NGEF: variants seen among roughly 807,000 people sequenced by gnomAD.
NGEF encodes the protein ephexin-1.
In NGEF, 31 loss-of-function variants were observed where a neutral mutation model predicts 80.9. The observed-to-expected ratio is 0.38, with a 90% CI of 0.29 to 0.52. The LOEUF is 0.52. NGEF is among the 20% of genes least tolerant of loss of function. NGEF has a pLI of 0.84. For synonymous variants in NGEF, 371 were observed against 370.2 expected (o/e 1.00, Z -0.03); for missense variants, 709 against 926.2 (o/e 0.77, Z 3.04).
chr2:232,998,246 A>G lies in NGEF; in HGVS notation c.-75+14822T>C, dbSNP rs538847001. 3.9e-5 allele frequency among the ~76,000 whole-genome samples: 6 copies of G among 152,298 alleles called. No individual in the cohort carries two copies. The South Asian group carries it at 1.2e-3, about 32-fold the overall frequency. On this transcript the variant is annotated intron_variant, in intron 1 of 14. Transcript: ENST00000264051. ...GGGATGGGGTGGGAGTAGGGTGGCT[A>G]CTATTGAATCTGAGGCTCAGAGACA... is the stretch of plus-strand genomic sequence containing the variant.
chr2:232,981,726 G>A (rs925289727), intron 1 of NGEF, among the ~76,000 whole-genome samples: 3 of 152,072 alleles, frequency 2.0e-5, no homozygotes, highest in African/African-American at 4.8e-5. Flanking sequence ...TCCAATCCCC[G>A]AATGCTTGGG....
intron 3 of NGEF, among the ~76,000 whole-genome samples, chr2:232,958,531 A>G (rs1693880589): frequency 1.3e-5 from 2 of 152,108 alleles, no homozygotes; most frequent in Non-Finnish European, 1.5e-5. Flanking sequence ...CACTGTGCCA[A>G]TTGCTCAGGA....
intron 1 of NGEF, among the ~76,000 whole-genome samples, chr2:233,005,682 G>T (rs765151753): frequency 9.2e-5 from 14 of 152,180 alleles, no homozygotes; most frequent in Non-Finnish European, 1.6e-4. Context: ...CTGGAGGCTG[G>T]AAAAGGCAGG....
chr2:232,999,990 G>A (rs1694935857), intron 1 of NGEF, among the ~76,000 whole-genome samples: 1 of 152,220 alleles, frequency 6.6e-6, no homozygotes, highest in Non-Finnish European at 1.5e-5. Context: ...CTGTAGACTA[G>A]GTGGTGTAAA....
intron 5 of NGEF, among the ~76,000 whole-genome samples, chr2:232,918,774 G>A (rs572377673): frequency 2.0e-5 from 3 of 151,654 alleles, no homozygotes; most frequent in Non-Finnish European, 4.4e-5. Context: ...GATTACAGGC[G>A]CCTGCCACAG....
Position 232,909,169 on chromosome 2 carries a change from T to C in NGEF, c.828+11115A>G, listed in dbSNP as rs182132475. ...CTTTATTGCCACCAACAGTTTTTTA[T>C]TATGTATGATTTTGTTATAAATTTG... On this transcript the variant is annotated intron_variant, in intron 5 of 14. Transcript: ENST00000264051. Among the ~76,000 whole-genome samples, 6 of 152,304 alleles carry C rather than the reference T, an allele frequency of 3.9e-5. No individual in the cohort carries two copies. In the East Asian group the frequency reaches 5.8e-4, roughly 15 times the overall value.
chr2:232,899,561 TACAC>T (rs1178315849), intron 5 of NGEF, among the ~76,000 whole-genome samples: 6 of 142,268 alleles, frequency 4.2e-5, no homozygotes, highest in South Asian at 4.5e-4. Context: ...CACATTCACT[TACAC>T]ACATGCTCTC....
At chr2:232,907,021 A>C (rs1248882934) in intron 5 of NGEF, among the ~76,000 whole-genome samples, 2 of 151,610 alleles carry the variant, frequency 1.3e-5, no homozygotes, top group Non-Finnish European at 2.9e-5. Context: ...CCTAATCTCA[A>C]GTACCCAGGG....
rs760644498 is a variant in NGEF, at chr2:232,920,467, C to G, written c.645G>C (p.Pro215=). The G allele has an allele frequency of 2.2e-5, 35 of 1,613,410 alleles. No individual in the cohort carries two copies. Among genetic ancestry groups the G allele is most frequent in the Non-Finnish European group, 2.9e-5 (34 of 1,179,696 alleles). Reference sequence around the variant, plus strand: ...CCTCCTCCTCTTCTTCTTCCTCCTCCGGGGTGTCCTCACTGGCCGGGGACC... The same window carrying G: ...CCTCCTCCTCTTCTTCTTCCTCCTCGGGGGTGTCCTCACTGGCCGGGGACC... ...TNGSPASEDT[P]EEEEEEEEEE... The change falls in exon 5 of 15, where the codon CCG becomes CCC. Residue 215 remains proline, a synonymous_variant. Coordinates refer to ENST00000264051, the MANE Select transcript of NGEF (RefSeq NM_019850.3).
intron 3 of NGEF, among the ~76,000 whole-genome samples, chr2:232,935,770 G>A (rs1040058161): frequency 1.6e-4 from 24 of 152,200 alleles, no homozygotes; most frequent in African/African-American, 5.8e-4. Context: ...TATGTCACCA[G>A]ACTATCAAAT....
intron 4 of NGEF, among the ~76,000 whole-genome samples, chr2:232,926,750 G>GTC (rs1693077258): frequency 1.3e-5 from 2 of 152,312 alleles, no homozygotes; most frequent in African/African-American, 4.8e-5. Context: ...CTTTCTGGCA[G>GTC]AAGTGATAAG....
chr2:232,949,564 G>A lies in NGEF; in HGVS notation c.383+20650C>T, dbSNP rs185948138. 9.5e-3 allele frequency among the ~76,000 whole-genome samples: 1,404 copies of A among 147,910 alleles called. 16 individuals carry two copies. The highest frequency in any genetic ancestry group is 0.015 in the Non-Finnish European group (1,032 of 67,158). On this transcript the variant is annotated intron_variant, in intron 3 of 14. Coordinates refer to ENST00000264051, the MANE Select transcript of NGEF (RefSeq NM_019850.3). The stretch of plus-strand genomic sequence containing the variant: ...GCGATCTCGGCTCACTGCAACGTCC[G>A]CCTCCCGGGTTCAAGTGATTCTCCT...
At chr2:232,889,947 A>G (rs1001749315) in intron 8 of NGEF, among the ~76,000 whole-genome samples, 1 of 151,272 alleles carries the variant, frequency 6.6e-6, no homozygotes, top group Non-Finnish European at 1.5e-5. Context: ...GCTGCACTCT[A>G]TACCGTCCAC....
At chr2:232,945,054 T>A (rs1693528235) in intron 3 of NGEF, among the ~76,000 whole-genome samples, 1 of 152,010 alleles carries the variant, frequency 6.6e-6, no homozygotes, top group African/African-American at 2.4e-5. Flanking sequence ...GCCTGGCCTA[T>A]AGTTTTGACT....
intron 1 of NGEF, among the ~76,000 whole-genome samples, chr2:232,989,175 C>T (rs989063115): frequency 1.3e-5 from 2 of 152,114 alleles, no homozygotes; most frequent in African/African-American, 4.8e-5. Context: ...CGGCCAGGTG[C>T]GGTGGCTCAT....
chr2:232,892,227 G>A lies in NGEF; in HGVS notation c.1142+671C>T, dbSNP rs771317109. On this transcript the variant is annotated intron_variant, in intron 7 of 14. Coordinates refer to ENST00000264051, the MANE Select transcript of NGEF (RefSeq NM_019850.3). The surrounding 1 kb of genome is among the most constrained non-coding windows in gnomAD (Gnocchi z 4.0). ...ATGCCCAAAGACTCAGGCTTGAAAC[G>A]TGCACCATGAACTCCATGTCTTGGT... Among the ~76,000 whole-genome samples the A allele has an allele frequency of 4.6e-5, 7 of 151,932 alleles. No homozygotes were observed. Among genetic ancestry groups the A allele is most frequent in the Non-Finnish European group, 8.8e-5 (6 of 68,012 alleles).
chr2:232,910,133 C>A (rs1314809558), intron 5 of NGEF, among the ~76,000 whole-genome samples: 1 of 151,958 alleles, frequency 6.6e-6, no homozygotes, highest in African/African-American at 2.4e-5. Flanking sequence ...GGGAGGGTTG[C>A]ATCTAGTGGG....
intron 1 of NGEF, among the ~76,000 whole-genome samples, chr2:233,002,754 C>T (rs1223394401): frequency 6.6e-6 from 1 of 152,246 alleles, no homozygotes; most frequent in Non-Finnish European, 1.5e-5. Flanking sequence ...GTAAGCCAGA[C>T]ACCAGAGCAT....
intron 5 of NGEF, among the ~76,000 whole-genome samples, chr2:232,900,013 CAT>C (rs1257046642): frequency 6.2e-4 from 89 of 144,608 alleles, no homozygotes; most frequent in Non-Finnish European, 9.6e-4. Context: ...CACAGTCACT[CAT>C]ATACACGTTC....
Sources: gnomAD v4.1 joint callset for allele counts (sites outside exome capture counted in the v4.1 genomes callset) on GRCh38, gnomAD v4.1.1 for gene constraint, Gnocchi (gnomAD v3.1) non-coding constraint, MANE v1.5 for transcripts, NCBI Gene and HGNC (gene_info 2026-07-23, HGNC 2026-07-21) for gene names.